Variants in CA10 observed in about 807,000 individuals in gnomAD.
The protein encoded by CA10 is carbonic anhydrase-related protein 10.
In CA10, 14 loss-of-function variants were observed where a neutral mutation model predicts 44.2. The observed-to-expected ratio is 0.32, with a 90% confidence interval of 0.21 to 0.50. The LOEUF (loss-of-function observed/expected upper bound fraction) is 0.50. Among genes scored for constraint, CA10 ranks in the 20% least tolerant of loss-of-function variants. The pLI is 0.99. For missense variants in CA10, 350 were observed against 409.7 expected, an observed-to-expected ratio of 0.85 and a Z score of 1.26; for synonymous variants, 159 against 141.6, an observed-to-expected ratio of 1.12 and a Z score of -0.87.
At chr17:52,100,061 T>C (rs968649771) in intron 1 of CA10, among the ~76,000 whole-genome samples, 1 of 152,190 alleles carries the variant, frequency 6.6e-6, no homozygotes. Context: ...AGATTTTATG[T>C]GAACGGAGTG....
intron 6 of CA10, among the ~76,000 whole-genome samples, chr17:51,637,547 T>C (rs1912885445): frequency 6.6e-6 from 1 of 152,238 alleles, no homozygotes; most frequent in Non-Finnish European, 1.5e-5. Context: ...CTCTCGTCCA[T>C]GTGTCTAACT....
chr17:51,935,254 T>C (rs1190720451), intron 2 of CA10, among the ~76,000 whole-genome samples: 5 of 152,192 alleles, frequency 3.3e-5, no homozygotes, highest in Non-Finnish European at 2.9e-5. Context: ...AATTTTTTTC[T>C]CTTAGTTTCC....
chr17:51,772,178 T>C (rs980198087), intron 3 of CA10, among the ~76,000 whole-genome samples: 2 of 152,194 alleles, frequency 1.3e-5, no homozygotes, highest in African/African-American at 4.8e-5. Flanking sequence ...GTTGTGAAGA[T>C]TAAATAAGGT....
At chr17:51,678,004 A>G (rs1012157923) in intron 4 of CA10, among the ~76,000 whole-genome samples, 3 of 152,194 alleles carry the variant, frequency 2.0e-5, no homozygotes, top group East Asian at 1.9e-4. Context: ...ATGTCCATCA[A>G]TGAATGAATG....
intron 3 of CA10, among the ~76,000 whole-genome samples, chr17:51,787,109 A>G (rs1325189278): frequency 6.6e-6 from 1 of 152,184 alleles, no homozygotes; most frequent in African/African-American, 2.4e-5. Flanking sequence ...ATCAATATTC[A>G]TTAGGGATAT....
chr17:52,154,313 A>T (rs1194216443), intron 1 of CA10, among the ~76,000 whole-genome samples: 1 of 152,190 alleles, frequency 6.6e-6, no homozygotes, highest in Non-Finnish European at 1.5e-5. Context: ...TATCTATAAG[A>T]TTATCCCACA....
chr17:52,143,984 A>T (rs1455347869), intron 1 of CA10, among the ~76,000 whole-genome samples: 1 of 152,202 alleles, frequency 6.6e-6, no homozygotes, highest in East Asian at 1.9e-4. Context: ...TGCTCAGATC[A>T]GATATATTTG....
chr17:51,868,277 C>T (rs1979641515), intron 3 of CA10, among the ~76,000 whole-genome samples: 1 of 152,180 alleles, frequency 6.6e-6, no homozygotes, highest in South Asian at 2.1e-4. Context: ...TTACACAAAG[C>T]ACCAGAATCT....
At chr17:51,861,546 T>G (rs967897373) in intron 3 of CA10, among the ~76,000 whole-genome samples, 17 of 150,582 alleles carry the variant, frequency 1.1e-4, no homozygotes, top group South Asian at 2.1e-4. Flanking sequence ...GATGTGTGTT[T>G]TTTTTTTTTT....
chr17:51,707,922 C>T (rs903977360), intron 4 of CA10, among the ~76,000 whole-genome samples: 3 of 152,120 alleles, frequency 2.0e-5, no homozygotes, highest in Non-Finnish European at 4.4e-5. Context: ...AAAGGATGAG[C>T]TGCTGGCAAT....
chr17:52,075,491 C>T (rs916038207), intron 1 of CA10, among the ~76,000 whole-genome samples: 3 of 152,142 alleles, frequency 2.0e-5, no homozygotes, highest in Non-Finnish European at 4.4e-5. Flanking sequence ...GTAAGACATG[C>T]TTTGTGTGTA....
intron 1 of CA10, among the ~76,000 whole-genome samples, chr17:52,091,975 T>C (rs577103154): frequency 9.8e-5 from 15 of 152,300 alleles, no homozygotes; most frequent in Admixed American, 9.2e-4. Context: ...GCTCTTCACA[T>C]AGGGCTTCTA....
chr17:51,712,875 A>G (rs1915987209), intron 4 of CA10, among the ~76,000 whole-genome samples: 1 of 152,182 alleles, frequency 6.6e-6, no homozygotes, highest in South Asian at 2.1e-4. Context: ...ATTGCCTACG[A>G]CCTTCCTTCC....
At chr17:52,058,572 A>G (rs966165221) in intron 2 of CA10, among the ~76,000 whole-genome samples, 2 of 152,162 alleles carry the variant, frequency 1.3e-5, no homozygotes, top group Admixed American at 6.6e-5. Context: ...CTCATAAATG[A>G]AATGATAAAT....
intron 4 of CA10, among the ~76,000 whole-genome samples, chr17:51,727,911 G>A (rs1003896017): frequency 6.6e-6 from 1 of 151,434 alleles, no homozygotes; most frequent in Admixed American, 6.6e-5. Flanking sequence ...TTTTAAGGAC[G>A]GGGTCTCACT....
At chr17:51,751,483 G>C (rs1904888229) in intron 3 of CA10, among the ~76,000 whole-genome samples, 1 of 152,188 alleles carries the variant, frequency 6.6e-6, no homozygotes, top group Non-Finnish European at 1.5e-5. Context: ...ACGAGGTTGT[G>C]ATAATTAACT....
At chr17:51,951,668 A>G (rs1355068087) in intron 2 of CA10, among the ~76,000 whole-genome samples, 1 of 152,200 alleles carries the variant, frequency 6.6e-6, no homozygotes, top group East Asian at 1.9e-4. Context: ...AAACATGCCC[A>G]TTACTTTACT....
At chr17:52,147,845 T>C (rs549143028) in intron 1 of CA10, among the ~76,000 whole-genome samples, 1 of 152,128 alleles carries the variant, frequency 6.6e-6, no homozygotes, top group Non-Finnish European at 1.5e-5. Context: ...AAATTAACAA[T>C]AGGGCCCCTT....
intron 2 of CA10, among the ~76,000 whole-genome samples, chr17:51,963,871 C>T (rs528900741): frequency 1.3e-5 from 2 of 152,126 alleles, no homozygotes; most frequent in Admixed American, 1.3e-4. Flanking sequence ...AACTATAAAG[C>T]AACCAGCAAA....
Sources: gnomAD v4.1 joint callset for allele counts (sites outside exome capture counted in the v4.1 genomes callset) on GRCh38, gnomAD v4.1.1 for gene constraint, MANE v1.5 for transcripts, NCBI Gene and HGNC (gene_info 2026-07-23, HGNC 2026-07-21) for gene names.